Variants in SMYD3 observed in about 807,000 individuals in gnomAD.
The protein encoded by SMYD3 is histone-lysine N-methyltransferase SMYD3.
Under a neutral mutation model 57.7 loss-of-function variants are expected in SMYD3, and 36 were observed. That is an observed-to-expected ratio of 0.62 (90% CI 0.48 to 0.82). The LOEUF (loss-of-function observed/expected upper bound fraction) is 0.82, where lower values mean the gene tolerates loss of function less well. Among genes scored for constraint, SMYD3 ranks in the 40% least tolerant of loss-of-function variants. The pLI is 0.00. For missense variants in SMYD3, 515 were observed against 538.8 expected, an observed-to-expected ratio of 0.96 and a Z score of 0.44; for synonymous variants, 211 against 195.0, an observed-to-expected ratio of 1.08 and a Z score of -0.68.
At chr1:245,998,960 C>T (rs899317003) in intron 5 of SMYD3, among the ~76,000 whole-genome samples, 18 of 151,960 alleles carry the variant, frequency 1.2e-4, no homozygotes, top group Admixed American at 7.2e-4. Context: ...CTCACAGAGA[C>T]GCAAAACAGA....
intron 5 of SMYD3, among the ~76,000 whole-genome samples, chr1:246,144,330 C>T (rs1229419879): frequency 2.0e-5 from 3 of 152,088 alleles, no homozygotes; most frequent in South Asian, 2.1e-4. Context: ...TTTTGGTATT[C>T]GAAGCTCATT....
At chr1:246,375,440 T>A (rs545039620) in intron 1 of SMYD3, among the ~76,000 whole-genome samples, 63 of 151,384 alleles carry the variant, frequency 4.2e-4, no homozygotes, top group Admixed American at 1.1e-3. Flanking sequence ...AACTTCCAAT[T>A]TTTGGATGAG....
chr1:246,492,103 T>G (rs1235874345), intron 1 of SMYD3, among the ~76,000 whole-genome samples: 1 of 152,196 alleles, frequency 6.6e-6, no homozygotes, highest in Non-Finnish European at 1.5e-5. Flanking sequence ...GACTCATACA[T>G]CGCTTGAGTG....
intron 8 of SMYD3, among the ~76,000 whole-genome samples, chr1:245,898,194 A>T (rs1197802401): frequency 6.6e-6 from 1 of 152,220 alleles, no homozygotes; most frequent in Non-Finnish European, 1.5e-5. Context: ...TACATAAAGG[A>T]TCATATGGTA....
At chr1:246,125,087 A>AAC (rs577581964) in intron 5 of SMYD3, among the ~76,000 whole-genome samples, 209 of 142,590 alleles carry the variant, frequency 1.5e-3, no homozygotes, top group African/African-American at 4.6e-3. Context: ...AAAAAAAAAA[A>AAC]ACACACACAC....
At chr1:245,870,138 G>A (rs749826258) in intron 8 of SMYD3, among the ~76,000 whole-genome samples, 1 of 152,216 alleles carries the variant, frequency 6.6e-6, no homozygotes, top group Non-Finnish European at 1.5e-5. Context: ...ACCCATGGGC[G>A]ACAGTATTAC....
At chr1:245,853,619 A>C (rs1480137709) in intron 10 of SMYD3, among the ~76,000 whole-genome samples, 5 of 152,174 alleles carry the variant, frequency 3.3e-5, no homozygotes, top group African/African-American at 9.7e-5. Context: ...ATGAAAGAAC[A>C]ACTGGAGTTC....
chr1:246,259,164 G>A (rs1358815421), intron 5 of SMYD3, among the ~76,000 whole-genome samples: 1 of 152,050 alleles, frequency 6.6e-6, no homozygotes, highest in Non-Finnish European at 1.5e-5. Flanking sequence ...GGATCTCATT[G>A]AGCTTCCTTG....
chr1:246,497,103 G>A (rs186924988), intron 1 of SMYD3, among the ~76,000 whole-genome samples: 181 of 152,190 alleles, frequency 1.2e-3, no homozygotes, highest in Non-Finnish European at 2.0e-3. Flanking sequence ...AAAACTAGGG[G>A]AAAAACTCAT....
intron 5 of SMYD3, among the ~76,000 whole-genome samples, chr1:246,061,037 C>G (rs1452589490): frequency 2.0e-5 from 3 of 152,026 alleles, no homozygotes; most frequent in Non-Finnish European, 4.4e-5. Context: ...ACCAGCCTGG[C>G]CAACCTGGTG....
At chr1:246,097,052 T>C (rs938993301) in intron 5 of SMYD3, among the ~76,000 whole-genome samples, 3 of 152,222 alleles carry the variant, frequency 2.0e-5, no homozygotes, top group African/African-American at 7.2e-5. Flanking sequence ...TCATTAAAAA[T>C]TCTTTCATTA....
chr1:246,502,434 C>T (rs1003553875), intron 1 of SMYD3, among the ~76,000 whole-genome samples: 5 of 152,086 alleles, frequency 3.3e-5, no homozygotes, highest in African/African-American at 1.2e-4. Context: ...GCCCAGCCTG[C>T]TTTATCTTCT....
intron 5 of SMYD3, among the ~76,000 whole-genome samples, chr1:246,224,573 C>G (rs2063301554): frequency 1.3e-5 from 2 of 151,142 alleles, no homozygotes; most frequent in South Asian, 4.2e-4. Context: ...TTACCTAATT[C>G]ATATTTTAAA....
At chr1:246,066,693 C>A (rs1021368795) in intron 5 of SMYD3, among the ~76,000 whole-genome samples, 2 of 152,156 alleles carry the variant, frequency 1.3e-5, no homozygotes, top group African/African-American at 4.8e-5. Context: ...AGTTTTCATT[C>A]TTTTGTAATC....
Position 246,031,178 on chromosome 1 carries a change from G to A in SMYD3, c.532-101241C>T, listed in dbSNP as rs531765852. 3.1e-3 allele frequency among the ~76,000 whole-genome samples: 477 copies of A among 152,134 alleles called. 3 individuals carry two copies. The highest frequency in any genetic ancestry group is 5.4e-3 in the South Asian group (26 of 4,814). On this transcript the variant is annotated intron_variant, in intron 5 of 11. Transcript: ENST00000490107. The stretch of plus-strand genomic sequence containing the variant: ...CAATGTTTTATGACACTATTATACA[G>A]GGTTTTCATAGGAAATCACATAAAG...
intron 1 of SMYD3, among the ~76,000 whole-genome samples, chr1:246,487,911 C>G (rs1381167777): frequency 6.6e-6 from 1 of 152,140 alleles, no homozygotes. Flanking sequence ...TCAGGCTGGT[C>G]TCGAACTCCC....
chr1:246,483,949 T>G (rs1306548219), intron 1 of SMYD3, among the ~76,000 whole-genome samples: 1 of 151,750 alleles, frequency 6.6e-6, no homozygotes, highest in Non-Finnish European at 1.5e-5. Context: ...AACATATCAC[T>G]TCAACCAAAA....
chr1:245,798,611 G>A (rs990946629), intron 10 of SMYD3, among the ~76,000 whole-genome samples: 1 of 151,876 alleles, frequency 6.6e-6, no homozygotes, highest in Non-Finnish European at 1.5e-5. Context: ...CATTCTTTGT[G>A]ATGCCCAGAT....
intron 1 of SMYD3, among the ~76,000 whole-genome samples, chr1:246,371,003 G>T (rs774207773): frequency 1.2e-4 from 18 of 152,174 alleles, no homozygotes. Context: ...CTTTTTGAAG[G>T]TTGCATTTGT....
Sources: gnomAD v4.1 joint callset for allele counts (sites outside exome capture counted in the v4.1 genomes callset) on GRCh38, gnomAD v4.1.1 for gene constraint, MANE v1.5 for transcripts, NCBI Gene and HGNC (gene_info 2026-07-23, HGNC 2026-07-21) for gene names.